Variants in AGL observed in about 807,000 individuals in gnomAD.
The protein encoded by AGL is glycogen debranching enzyme.
AGL carries 128 observed loss-of-function variants against 199.3 expected under a neutral mutation model. The ratio of observed to expected loss-of-function variants is 0.64; its 90% CI spans 0.56 to 0.74. AGL has a LOEUF of 0.74. AGL is among the 30% of genes least tolerant of loss of function. The pLI is 0.00. For synonymous variants in AGL, 584 were observed against 594.7 expected (o/e 0.98, Z 0.26); for missense variants, 1,809 against 1,820.8 (o/e 0.99, Z 0.12).
At chr1:99,909,697 C>T (rs1654596267) in intron 27 of AGL, among the ~76,000 whole-genome samples, 1 of 151,964 alleles carries the variant, frequency 6.6e-6, no homozygotes, top group African/African-American at 2.4e-5. Context: ...CTATGACATT[C>T]CTCAAGTCTT....
At chr1:99,921,513 A>G (rs762201574) in intron 33 of AGL, 21 bp from the exon 34 acceptor site, 1 of 1,530,350 alleles carries the variant, frequency 6.5e-7, no homozygotes, top group Middle Eastern at 1.7e-4. Context: ...GTCTTTGTAA[A>G]ATGTCTTTTC....
intron 4 of AGL, among the ~76,000 whole-genome samples, chr1:99,863,543 C>T (rs779853976): frequency 3.3e-5 from 5 of 152,064 alleles, no homozygotes; most frequent in Non-Finnish European, 5.9e-5. Context: ...AGCTCCGCCT[C>T]CTGGGTTCAC....
chr1:99,901,427 G>C (rs1464544657), intron 26 of AGL, among the ~76,000 whole-genome samples: 1 of 150,292 alleles, frequency 6.7e-6, no homozygotes, highest in Non-Finnish European at 1.5e-5. Flanking sequence ...TAATAGGGTT[G>C]CATAGTGGAT....
Position 99,876,512 on chromosome 1 carries a change from T to G in AGL, c.1338T>G (p.Ile446Met). The G allele has an allele frequency of 4.3e-6, 7 of 1,612,796 alleles. No homozygotes were observed. Among genetic ancestry groups the G allele is most frequent in the Non-Finnish European group, 5.9e-6 (7 of 1,178,824 alleles). The stretch of plus-strand genomic sequence containing the variant: ...ACTTCTCCATGGAAGAATCTATGAT[T>G]CATCTGCCAAATAAAGCTTGTTTTC... ...EIDFSMEESM[I>M]HLPNKACFLM... is the part of the protein sequence containing the mutation. Residue 446 changes from isoleucine (I) to methionine (M), a missense_variant, in exon 11 of 34, where the codon ATT (isoleucine) becomes ATG (methionine). Physicochemically the swap from Ile to Met is conservative, Grantham distance 10. Coordinates refer to ENST00000361915, the MANE Select transcript of AGL (RefSeq NM_000642.3).
chr1:99,849,480 T>C (rs1308341593), upstream of AGL, among the ~76,000 whole-genome samples: 1 of 152,116 alleles, frequency 6.6e-6, no homozygotes, highest in African/African-American at 2.4e-5. Context: ...CTAACATAAG[T>C]GCAGCTTAAT....
At chr1:99,877,553 C>T in intron 11 of AGL, 88 bp from the exon 12 acceptor site, 2 of 1,221,968 alleles carry the variant, frequency 1.6e-6, no homozygotes, top group East Asian at 2.4e-5. Flanking sequence ...CAGAAATGAT[C>T]AAAGCAATTT....
rs574388916 is a variant in AGL, at chr1:99,899,240, T to C, written c.3363-1396T>C. 2.0e-5 allele frequency among the ~76,000 whole-genome samples: 3 copies of C among 152,288 alleles called. No individual in the cohort carries two copies. In the South Asian group the frequency reaches 6.2e-4, roughly 32 times the overall value. ...AGCTTAGACATAGAATTAATAAAAA[T>C]TTCTGAGTGGTTTAGCCAAAAAGCA... On this transcript the variant is annotated intron_variant, in intron 25 of 33. Transcript: ENST00000361915.
At position 99,913,497 on chromosome 1, in the gene AGL, A is replaced by C. The variant is rs370133275; in HGVS notation, c.3950-30A>C. ...GATGTGTGAATTGTTTTGAATGATT[A>C]AAACTACCATGTCTTATGTCATTTT... is the stretch of plus-strand genomic sequence containing the variant. On this transcript the variant is annotated intron_variant, in intron 29 of 33. Coordinates refer to ENST00000361915, the MANE Select transcript of AGL (RefSeq NM_000642.3). 66 of 1,546,386 alleles carry C rather than the reference A, an allele frequency of 4.3e-5. No homozygotes were observed. In the African/African-American group the frequency reaches 8.4e-4, roughly 20 times the overall value.
intron 12 of AGL, among the ~76,000 whole-genome samples, 156 bp from the exon 13 acceptor site, chr1:99,879,767 A>G (rs1480322636): frequency 6.6e-6 from 1 of 151,888 alleles, no homozygotes; most frequent in Non-Finnish European, 1.5e-5. Context: ...TCTCTTGATA[A>G]ATTCTCTTGT....
intron 24 of AGL, among the ~76,000 whole-genome samples, chr1:99,895,163 C>T (rs570294624): frequency 7.2e-5 from 11 of 152,270 alleles, no homozygotes; most frequent in Admixed American, 6.5e-4. Flanking sequence ...ATTCTCCTGC[C>T]TCAGCCACCC....
Position 99,864,427 on chromosome 1 carries a change from C to A in AGL, c.502C>A (p.Leu168Ile). Residue 168 changes from leucine to isoleucine, a missense_variant, in exon 5 of 34, where the codon CTA becomes ATA. Leu to Ile is a conservative substitution (Grantham distance 5, BLOSUM62 2). Coordinates refer to ENST00000361915, the MANE Select transcript of AGL (RefSeq NM_000642.3). Reference sequence around the variant, plus strand: ...TTTTACCCCATTGCAGACTCTTGGACTATCTAGGTCATGCTACTCCCTTGC... The same window carrying A: ...TTTTACCCCATTGCAGACTCTTGGAATATCTAGGTCATGCTACTCCCTTGC... ...IHFTPLQTLG[L>I]SRSCYSLANQ... 1.2e-6 allele frequency: 2 copies of A among 1,613,892 alleles called. No individual in the cohort carries two copies. The highest frequency in any genetic ancestry group is 2.2e-5 in the East Asian group (1 of 44,830).
intron 27 of AGL, among the ~76,000 whole-genome samples, chr1:99,906,346 G>A (rs1425929042): frequency 2.0e-5 from 3 of 152,162 alleles, no homozygotes; most frequent in African/African-American, 4.8e-5. Flanking sequence ...TGTAGCAGAT[G>A]TCATAATTTT....
chr1:99,881,967 T>C (rs1652069791), intron 17 of AGL, among the ~76,000 whole-genome samples: 2 of 151,506 alleles, frequency 1.3e-5, no homozygotes, highest in Admixed American at 1.3e-4. Flanking sequence ...ACCCTGTCTC[T>C]ATCAAAAAAA....
At chr1:99,863,614 T>C (rs1650255596) in intron 4 of AGL, among the ~76,000 whole-genome samples, 1 of 152,012 alleles carries the variant, frequency 6.6e-6, no homozygotes, top group African/African-American at 2.4e-5. Context: ...CCACCACGCC[T>C]GGCTAATATT....
At position 99,890,563 on chromosome 1, in the gene AGL, T is replaced by C. The variant is rs542852548; in HGVS notation, c.2813-657T>C. On this transcript the variant is annotated intron_variant, in intron 21 of 33. Coordinates refer to ENST00000361915, the MANE Select transcript of AGL (RefSeq NM_000642.3). ...CTAAATGAAGTCAGTGATGCCAATA[T>C]AATTTTTAAGGTAGCATCATTGAAA... Among the ~76,000 whole-genome samples, 4 of 152,184 alleles carry C rather than the reference T, an allele frequency of 2.6e-5. No homozygotes were observed. The South Asian group carries it at 6.2e-4, about 24-fold the overall frequency.
Position 99,861,512 on chromosome 1 carries a change from T to G in AGL, c.92T>G (p.Leu31Arg). ...TLFRLEQGYE[L>R]QFRLGPTLQG... ...TGTGCTTTTTATTTAGGGTATGAGC[T>G]ACAGTTCCGATTAGGCCCAACTTTA... The change falls in exon 3 of 34, where the codon CTA becomes CGA. Residue 31 changes from leucine (L) to arginine (R), a missense_variant. Leu to Arg is a moderately radical substitution (Grantham distance 102). Coordinates refer to ENST00000361915, the MANE Select transcript of AGL (RefSeq NM_000642.3). 6.2e-7 allele frequency: 1 copy of G among 1,613,962 alleles called. No individual in the cohort carries two copies. Among genetic ancestry groups the G allele is most frequent in the Non-Finnish European group, 8.5e-7 (1 of 1,179,894 alleles).
rs758977632 is a variant in AGL, at chr1:99,852,668, G to A, written c.82+1544G>A. 1.8e-5 allele frequency: 14 copies of A among 777,596 alleles called. No individual in the cohort carries two copies. The African/African-American group carries it at 2.0e-4, about 11-fold the overall frequency. The allele number at this position is 777,596 out of a possible 1,614,324, so 48.2% of individuals were successfully genotyped here. A position where few individuals can be genotyped will look rare whatever the true frequency, so the allele number is the denominator to read the frequency against. On this transcript the variant is annotated intron_variant, in intron 2 of 33. Transcript: ENST00000361915. ...TGGGATTACAAGCATAAGCCACCGG[G>A]CATGGCCCCAATTCTGAGCATTAAT... is the stretch of plus-strand genomic sequence containing the variant.
intron 20 of AGL, among the ~76,000 whole-genome samples, chr1:99,885,551 A>C (rs1400838500): frequency 6.6e-6 from 1 of 152,090 alleles, no homozygotes; most frequent in African/African-American, 2.4e-5. Flanking sequence ...GGTGAGCTTT[A>C]TCTGTATTTA....
Position 99,907,433 on chromosome 1 carries a change from T to C in AGL, c.3701-3279T>C, listed in dbSNP as rs572561347. Among the ~76,000 whole-genome samples the C allele has an allele frequency of 3.3e-5, 5 of 152,278 alleles. No individual in the cohort carries two copies. In the East Asian group the frequency reaches 9.6e-4, roughly 29 times the overall value. ...TGAACATGGGTGTACAAATATCAGT[T>C]TGAGTCCCTGCTTTCAATTCTTTTG... is the stretch of plus-strand genomic sequence containing the variant. On this transcript the variant is annotated intron_variant, in intron 27 of 33. Coordinates refer to ENST00000361915, the MANE Select transcript of AGL (RefSeq NM_000642.3).
Sources: gnomAD v4.1 joint callset for allele counts (sites outside exome capture counted in the v4.1 genomes callset) on GRCh38, gnomAD v4.1.1 for gene constraint, MANE v1.5 for transcripts, NCBI Gene and HGNC (gene_info 2026-07-23, HGNC 2026-07-21) for gene names.